The following SLC39A9 variants were observed in gnomAD, a reference collection of about 807,000 sequenced individuals.
The protein encoded by SLC39A9 is solute carrier family 39 member 9.
In SLC39A9, 14 loss-of-function variants were observed where a neutral mutation model predicts 28.4. The observed-to-expected ratio is 0.49, with a 90% CI of 0.33 to 0.77. The LOEUF is 0.77. Ranked by LOEUF, SLC39A9 falls within the 30% of genes least tolerant of loss-of-function variation. The pLI, the probability that SLC39A9 is intolerant of heterozygous loss-of-function variation, is 0.02. For synonymous variants in SLC39A9, 119 were observed against 149.6 expected, an observed-to-expected ratio of 0.80 and a Z score of 1.49; for missense variants, 283 against 381.1, an observed-to-expected ratio of 0.74 and a Z score of 2.14.
intron 1 of SLC39A9, among the ~76,000 whole-genome samples, chr14:69,402,906 ACCC>A (rs1182016175): frequency 6.6e-6 from 1 of 152,048 alleles, no homozygotes; most frequent in Non-Finnish European, 1.5e-5. Flanking sequence ...ACATGGCGAA[ACCC>A]CATCTCTACT....
intron 1 of SLC39A9, among the ~76,000 whole-genome samples, chr14:69,417,838 G>T (rs1182127395): frequency 6.6e-6 from 1 of 152,182 alleles, no homozygotes; most frequent in Admixed American, 6.5e-5. Flanking sequence ...AGACTTTGCT[G>T]AAGTTGCTTA....
At position 69,455,774 on chromosome 14, in the gene SLC39A9, G is replaced by T; in HGVS notation, c.601G>T (p.Gly201Cys). Reference sequence around the variant, plus strand: ...ACTGGTTTCCTTCTTGATGCATGCTGGCTTAGAGCGGAATCGAATCAGAAA... The same window carrying T: ...ACTGGTTTCCTTCTTGATGCATGCTTGCTTAGAGCGGAATCGAATCAGAAA... ...FGLVSFLMHAGLERNRIRKHL... is the reference protein window; with the variant it reads ...FGLVSFLMHACLERNRIRKHL... The change falls in exon 6 of 7, where the codon GGC becomes TGC. Residue 201 changes from glycine (G) to cysteine (C), a missense_variant. Transcript: ENST00000336643. The T allele has an allele frequency of 6.2e-7, 1 of 1,614,188 alleles. No homozygotes were observed. The highest frequency in any genetic ancestry group is 8.5e-7 in the Non-Finnish European group (1 of 1,180,032).
At chr14:69,398,418 T>G (rs1328901018), upstream of SLC39A9, 2 of 741,616 alleles carry the variant, frequency 2.7e-6, no homozygotes, top group East Asian at 2.7e-5. Flanking sequence ...AGCTACTGAC[T>G]CTGTTTCAGC....
chr14:69,404,865 A>G (rs1268587126), intron 1 of SLC39A9, among the ~76,000 whole-genome samples: 1 of 152,160 alleles, frequency 6.6e-6, no homozygotes, highest in Non-Finnish European at 1.5e-5. Flanking sequence ...GTATTAGTCC[A>G]TTCTTACACT....
Position 69,460,226 on chromosome 14 carries a change from A to T in SLC39A9, c.*1633A>T. 1 of 985,900 alleles carries T rather than the reference A, an allele frequency of 1.0e-6. No homozygotes were observed. Among genetic ancestry groups the T allele is most frequent in the Non-Finnish European group, 1.2e-6 (1 of 829,928 alleles). The allele number at this position is 985,900 out of a possible 1,614,324, so 61.1% of individuals were successfully genotyped here. On this transcript the variant is annotated 3_prime_UTR_variant, in exon 7 of 7. Coordinates refer to ENST00000336643, the MANE Select transcript of SLC39A9 (RefSeq NM_018375.5). ...TGTAAAAACGTTTTCTATGACGCAT[A>T]AGCTAGCATGCCTATGATTTATTTC...
At chr14:69,422,369 G>C (rs773241099) in intron 1 of SLC39A9, among the ~76,000 whole-genome samples, 1 of 152,116 alleles carries the variant, frequency 6.6e-6, no homozygotes, top group South Asian at 2.1e-4. Context: ...CAACAGGTAC[G>C]TACTACCATG....
intron 2 of SLC39A9, among the ~76,000 whole-genome samples, chr14:69,433,881 T>G (rs1884613862): frequency 6.6e-6 from 1 of 151,952 alleles, no homozygotes; most frequent in Non-Finnish European, 1.5e-5. Flanking sequence ...ACCTCCCAGG[T>G]TCAAGTGATT....
At chr14:69,419,748 T>A (rs1883778639) in intron 1 of SLC39A9, among the ~76,000 whole-genome samples, 1 of 152,230 alleles carries the variant, frequency 6.6e-6, no homozygotes, top group Admixed American at 6.5e-5. Flanking sequence ...CCCTTTACCA[T>A]TATATAATGG....
At chr14:69,437,294 G>C (rs1258845155) in intron 2 of SLC39A9, among the ~76,000 whole-genome samples, 1 of 152,010 alleles carries the variant, frequency 6.6e-6, no homozygotes, top group Non-Finnish European at 1.5e-5. Flanking sequence ...AGGAGGTAGA[G>C]AAAAAAAGGG....
chr14:69,423,670 G>C (rs1184963197), intron 1 of SLC39A9, among the ~76,000 whole-genome samples: 1 of 152,076 alleles, frequency 6.6e-6, no homozygotes, highest in Non-Finnish European at 1.5e-5. Flanking sequence ...GACCGAAGCG[G>C]GCGGATCACC....
At position 69,458,634 on chromosome 14, in the gene SLC39A9, C is replaced by T. The variant is rs1885980071; in HGVS notation, c.*41C>T. Reference sequence around the variant, plus strand: ...CCTTGGTCCAGGGCCGTTTGCCATCCAGTGAGAACAGCCGGCACGTGACAG... The same window carrying T: ...CCTTGGTCCAGGGCCGTTTGCCATCTAGTGAGAACAGCCGGCACGTGACAG... On this transcript the variant is annotated 3_prime_UTR_variant, in exon 7 of 7. Coordinates refer to ENST00000336643, the MANE Select transcript of SLC39A9 (RefSeq NM_018375.5). The T allele has an allele frequency of 6.5e-7, 1 of 1,537,692 alleles. No individual in the cohort carries two copies. Among genetic ancestry groups the T allele is most frequent in the Non-Finnish European group, 8.8e-7 (1 of 1,137,188 alleles).
At chr14:69,407,323 C>CCTTCCTTT (rs1882988634) in intron 1 of SLC39A9, among the ~76,000 whole-genome samples, 1 of 140,482 alleles carries the variant, frequency 7.1e-6, no homozygotes, top group Admixed American at 7.0e-5. Flanking sequence ...TTCCTTCCTT[C>CCTTCCTTT]CTTCCTTTCT....
chr14:69,455,227 G>A (rs1209214438), intron 5 of SLC39A9, among the ~76,000 whole-genome samples: 1 of 152,000 alleles, frequency 6.6e-6, no homozygotes, highest in Non-Finnish European at 1.5e-5. Flanking sequence ...ACACAAATAG[G>A]ATCTTTTCTT....
chr14:69,400,382 G>C (rs533024865), intron 1 of SLC39A9, among the ~76,000 whole-genome samples: 4 of 152,346 alleles, frequency 2.6e-5, no homozygotes, highest in Non-Finnish European at 5.9e-5. Flanking sequence ...AGGGTCCCGG[G>C]AAGAGGGATA....
At chr14:69,441,078 G>A (rs1885027112) in intron 2 of SLC39A9, among the ~76,000 whole-genome samples, 1 of 152,184 alleles carries the variant, frequency 6.6e-6, no homozygotes, top group Admixed American at 6.5e-5. Context: ...CAGATTTCAA[G>A]ACCAGCCTAG....
intron 3 of SLC39A9, among the ~76,000 whole-genome samples, chr14:69,443,912 G>A (rs571877692): frequency 3.3e-5 from 5 of 151,878 alleles, no homozygotes; most frequent in South Asian, 4.2e-4. Context: ...GTGGCCAAGC[G>A]TGGTGGCTCA....
At chr14:69,440,733 G>A (rs567924926) in intron 2 of SLC39A9, among the ~76,000 whole-genome samples, 1 of 152,274 alleles carries the variant, frequency 6.6e-6, no homozygotes, top group African/African-American at 2.4e-5. Flanking sequence ...GAAGGCAGTG[G>A]CGTGATCTCG....
At position 69,458,376 on chromosome 14, in the gene SLC39A9, C is replaced by T; in HGVS notation, c.707C>T (p.Ala236Val). 6.2e-7 allele frequency: 1 copy of T among 1,614,194 alleles called. No individual in the cohort carries two copies. Among genetic ancestry groups the T allele is most frequent in the Non-Finnish European group, 8.5e-7 (1 of 1,180,038 alleles). Residue 236 changes from alanine to valine, a missense_variant, in exon 7 of 7, where the codon GCC becomes GTC. Coordinates refer to ENST00000336643, the MANE Select transcript of SLC39A9 (RefSeq NM_018375.5). ...TCTAATTCACAGAGCAGTAAAGAAG[C>T]CCTTTCAGAGGTGAACGCCACGGGA... The part of the protein sequence containing the change: ...YLGLSKSSKE[A>V]LSEVNATGVA...
At chr14:69,435,946 T>C (rs1423992663) in intron 2 of SLC39A9, among the ~76,000 whole-genome samples, 4 of 152,136 alleles carry the variant, frequency 2.6e-5, no homozygotes, top group Admixed American at 1.3e-4. Context: ...GTGCTGGGAT[T>C]ATAGGCGTGA....
Sources: allele counts gnomAD v4.1 joint callset (sites outside exome capture counted in the v4.1 genomes callset), GRCh38; gene constraint gnomAD v4.1.1; transcripts MANE v1.5; gene names NCBI Gene and HGNC (gene_info 2026-07-23, HGNC 2026-07-21).